The following ASPH variants were observed in gnomAD, a reference collection of about 807,000 sequenced individuals.
ASPH encodes the protein aspartyl/asparaginyl beta-hydroxylase.
ASPH carries 100 observed loss-of-function variants against 118.4 expected under a neutral mutation model. That is an observed-to-expected ratio of 0.84 (90% confidence interval 0.72 to 1.00). The LOEUF (loss-of-function observed/expected upper bound fraction) is 1.00. Ranked by LOEUF, ASPH falls within the 50% of genes least tolerant of loss-of-function variation. The pLI, the probability that ASPH is intolerant of heterozygous loss-of-function variation, is 0.00. For synonymous variants in ASPH, 315 were observed against 325.6 expected (o/e 0.97, Z 0.35); for missense variants, 920 against 919.5 (o/e 1.00, Z -0.01).
chr8:61,522,326 G>A (rs769108726), intron 22 of ASPH, among the ~76,000 whole-genome samples: 3 of 152,184 alleles, frequency 2.0e-5, no homozygotes, highest in Non-Finnish European at 4.4e-5. Context: ...CAACAGAAGT[G>A]TATTTTCTCA....
intron 1 of ASPH, among the ~76,000 whole-genome samples, chr8:61,704,420 G>A (rs1836064011): frequency 6.6e-6 from 1 of 151,544 alleles, no homozygotes; most frequent in African/African-American, 2.4e-5. Flanking sequence ...CATAAAAACT[G>A]AAACTATAAA....
chr8:61,660,023 A>G (rs538382533), intron 3 of ASPH: 1 of 151,956 alleles, frequency 6.6e-6, no homozygotes, highest in African/African-American at 2.4e-5. Flanking sequence ...TTTAGATTCA[A>G]GGAGCACGTG....
chr8:61,599,998 G>A (rs1843513279), intron 14 of ASPH, among the ~76,000 whole-genome samples: 1 of 151,962 alleles, frequency 6.6e-6, no homozygotes, highest in Non-Finnish European at 1.5e-5. Context: ...TTCCTGATAC[G>A]AAAATCCCTA....
At position 61,501,359 on chromosome 8, in the gene ASPH, A is replaced by ATACT. The variant is rs1213123916; in HGVS notation, c.*1996_*1999dup. ...ACCATTTCTAGCTTTTCAATTGGCA[A>ATACT]TACTTAGAACCTTACTGTAGTGACC... On this transcript the variant is annotated 3_prime_UTR_variant, in exon 25 of 25. Transcript: ENST00000379454. The ATACT allele has an allele frequency of 6.6e-6, 1 of 152,204 alleles. No individual in the cohort carries two copies. Among genetic ancestry groups the ATACT allele is most frequent in the Non-Finnish European group, 1.5e-5 (1 of 68,018 alleles). The allele number at this position is 152,204 out of a possible 1,614,324, so 9.4% of individuals were successfully genotyped here. A position where few individuals can be genotyped will look rare whatever the true frequency, so the allele number is the denominator to read the frequency against.
intron 24 of ASPH, among the ~76,000 whole-genome samples, chr8:61,509,417 G>A (rs777471784): frequency 2.6e-5 from 4 of 152,156 alleles, no homozygotes; most frequent in Admixed American, 6.5e-5. Flanking sequence ...GTAATCTCCT[G>A]ACATTGCCAT....
rs757401841 is a variant in ASPH at position 61,621,769 on chromosome 8, A to G, written c.935-2750T>C. 2.2e-4 allele frequency among the ~76,000 whole-genome samples: 34 copies of G among 152,240 alleles called. 1 individual carries two copies. Among genetic ancestry groups the G allele is most frequent in the Non-Finnish European group, 4.3e-4 (29 of 68,036 alleles). On this transcript the variant is annotated intron_variant, in intron 13 of 24. Coordinates refer to ENST00000379454, the MANE Select transcript of ASPH (RefSeq NM_004318.4). ...TAAAATACTACTTTAATCACACTCTATATCCCAGTAATGGGGAATTCATTA... is the reference window on the plus strand; with the variant it reads ...TAAAATACTACTTTAATCACACTCTGTATCCCAGTAATGGGGAATTCATTA...
intron 1 of ASPH, chr8:61,689,982 G>T: frequency 3.2e-6 from 2 of 618,228 alleles, no homozygotes; most frequent in Non-Finnish European, 4.3e-6. Flanking sequence ...TTTCCCAGTT[G>T]GTCCTAGCTA....
At chr8:61,606,286 A>T (rs1179300687) in intron 14 of ASPH, among the ~76,000 whole-genome samples, 1 of 152,222 alleles carries the variant, frequency 6.6e-6, no homozygotes, top group Non-Finnish European at 1.5e-5. Context: ...GAATGACATT[A>T]GTAATAACAT....
At chr8:61,708,096 A>G (rs1029416689) in intron 1 of ASPH, among the ~76,000 whole-genome samples, 1 of 152,202 alleles carries the variant, frequency 6.6e-6, no homozygotes, top group Non-Finnish European at 1.5e-5. Context: ...AAATCTAGGA[A>G]TCTGATAATG....
intron 24 of ASPH, among the ~76,000 whole-genome samples, chr8:61,506,327 G>A (rs1311852858): frequency 6.6e-6 from 1 of 152,188 alleles, no homozygotes; most frequent in African/African-American, 2.4e-5. Flanking sequence ...GCCGGTGGGA[G>A]GACGGGAATG....
intron 1 of ASPH, among the ~76,000 whole-genome samples, chr8:61,694,622 A>T (rs1833490208): frequency 6.6e-6 from 1 of 151,612 alleles, no homozygotes; most frequent in African/African-American, 2.4e-5. Flanking sequence ...CACTCCTAAC[A>T]CCTCTTTAAA....
intron 14 of ASPH, among the ~76,000 whole-genome samples, chr8:61,611,296 G>A (rs1228757769): frequency 2.0e-5 from 3 of 152,198 alleles, no homozygotes; most frequent in African/African-American, 4.8e-5. Flanking sequence ...TAATGCAGGA[G>A]CTCGTTTCCT....
chr8:61,643,347 G>A (rs776235565), intron 9 of ASPH, 39 bp downstream of exon 9: 12 of 1,568,878 alleles, frequency 7.6e-6, no homozygotes, highest in Non-Finnish European at 9.5e-6. Context: ...AAAAATCTAA[G>A]GTAATATTTT....
At chr8:61,556,088 C>T in intron 18 of ASPH, 66 bp from the exon 19 acceptor site, 1 of 1,416,184 alleles carries the variant, frequency 7.1e-7, no homozygotes, top group South Asian at 1.2e-5. Context: ...GAAAATTCTA[C>T]AGATGACTGT....
chr8:61,631,102 ATG>A (rs1257283149), intron 13 of ASPH, among the ~76,000 whole-genome samples: 2 of 152,198 alleles, frequency 1.3e-5, no homozygotes, highest in Middle Eastern at 3.2e-3. Context: ...GCTATATGAT[ATG>A]TTTGTGTTTT....
intron 3 of ASPH, among the ~76,000 whole-genome samples, chr8:61,668,500 C>G (rs1005202404): frequency 6.6e-6 from 1 of 152,056 alleles, no homozygotes; most frequent in Non-Finnish European, 1.5e-5. Flanking sequence ...ATGATTTAAC[C>G]AACTTCACAA....
chr8:61,665,055 T>A (rs925923771), intron 3 of ASPH: 16 of 1,307,288 alleles, frequency 1.2e-5, no homozygotes, highest in Middle Eastern at 2.8e-4. Flanking sequence ...ATGACATTTT[T>A]AAAATGTTTT....
At chr8:61,665,034 C>T in intron 3 of ASPH, 1 of 1,281,584 alleles carries the variant, frequency 7.8e-7, no homozygotes, top group Non-Finnish European at 9.9e-7. Flanking sequence ...GAAGTTATTA[C>T]ATCATATTCT....
intron 15 of ASPH, chr8:61,578,663 G>A (rs1836218361): frequency 5.6e-6 from 9 of 1,599,578 alleles, no homozygotes; most frequent in Non-Finnish European, 5.1e-6. Context: ...ACAACCTTAG[G>A]CGGCAGCTGG....
Sources: allele counts gnomAD v4.1 joint callset (sites outside exome capture counted in the v4.1 genomes callset), GRCh38; gene constraint gnomAD v4.1.1; transcripts MANE v1.5; gene names NCBI Gene and HGNC (gene_info 2026-07-23, HGNC 2026-07-21).